The following SNTG2 variants were observed in gnomAD, a reference collection of about 807,000 sequenced individuals.
SNTG2 encodes gamma-2-syntrophin.
A neutral mutation model predicts 70.9 loss-of-function variants in SNTG2; 74 were observed. That is an observed-to-expected ratio of 1.04 (90% confidence interval 0.86 to 1.27). The LOEUF is 1.27. Among genes scored for constraint, SNTG2 ranks in the 50% most tolerant of loss-of-function variants. The pLI, the probability that SNTG2 is intolerant of heterozygous loss-of-function variation, is 0.00. For missense variants in SNTG2, 717 were observed against 690.7 expected (o/e 1.04, Z -0.43); for synonymous variants, 278 against 273.8 (o/e 1.02, Z -0.15).
chr2:1,210,855 T>A (rs1250425734), intron 9 of SNTG2, among the ~76,000 whole-genome samples: 1 of 152,176 alleles, frequency 6.6e-6, no homozygotes, highest in Non-Finnish European at 1.5e-5. Context: ...GCTGTACTGG[T>A]TTGTAGCCTA....
intron 16 of SNTG2, among the ~76,000 whole-genome samples, chr2:1,348,289 A>G (rs1660401636): frequency 6.6e-6 from 1 of 152,250 alleles, no homozygotes; most frequent in Non-Finnish European, 1.5e-5. Context: ...GGGATTTCTT[A>G]AAATTTAACC....
At chr2:1,266,418 T>A (rs1226288949) in intron 13 of SNTG2, among the ~76,000 whole-genome samples, 1 of 152,084 alleles carries the variant, frequency 6.6e-6, no homozygotes, top group African/African-American at 2.4e-5. Context: ...AATCGCCGAG[T>A]GATTAATAGA....
chr2:1,288,238 G>A (rs1679846291), intron 14 of SNTG2, among the ~76,000 whole-genome samples: 1 of 152,164 alleles, frequency 6.6e-6, no homozygotes. Context: ...GAACAAAACA[G>A]ACAATTCTCT....
chr2:1,135,827 C>T (rs1343872605), intron 4 of SNTG2, among the ~76,000 whole-genome samples: 4 of 152,310 alleles, frequency 2.6e-5, no homozygotes, highest in East Asian at 1.9e-4. Context: ...AAAATCAATG[C>T]GTCTAAATGC....
intron 1 of SNTG2, among the ~76,000 whole-genome samples, chr2:984,702 C>G (rs984045119): frequency 6.6e-6 from 1 of 152,186 alleles, no homozygotes; most frequent in African/African-American, 2.4e-5. Flanking sequence ...AGGGCACTGC[C>G]TTAGCTCCGT....
chr2:1,020,491 T>A (rs895206795), intron 1 of SNTG2, among the ~76,000 whole-genome samples: 1 of 152,232 alleles, frequency 6.6e-6, no homozygotes, highest in African/African-American at 2.4e-5. Flanking sequence ...CCACTCAGCA[T>A]CTGCACTGTC....
intron 9 of SNTG2, among the ~76,000 whole-genome samples, chr2:1,235,830 A>T (rs1676614973): frequency 6.6e-6 from 1 of 152,214 alleles, no homozygotes; most frequent in Admixed American, 6.5e-5. Flanking sequence ...AAATTGGAGG[A>T]TGGGACACAG....
chr2:1,149,659 G>T (rs1669334636), intron 6 of SNTG2, among the ~76,000 whole-genome samples: 1 of 148,790 alleles, frequency 6.7e-6, no homozygotes, highest in South Asian at 2.2e-4. Context: ...ACAGATTGAT[G>T]AAGTTGATTA....
intron 16 of SNTG2, among the ~76,000 whole-genome samples, chr2:1,331,051 A>G (rs1659502569): frequency 6.6e-6 from 1 of 152,114 alleles, no homozygotes; most frequent in Non-Finnish European, 1.5e-5. Context: ...CAGATTGACC[A>G]TTTCTTTCTT....
intron 9 of SNTG2, among the ~76,000 whole-genome samples, chr2:1,226,007 GAAAA>G (rs879492996): frequency 2.9e-5 from 4 of 137,334 alleles, no homozygotes; most frequent in South Asian, 2.3e-4. Flanking sequence ...CTGGAAAAAA[GAAAA>G]AAAAAAACCT....
chr2:961,952 A>G (rs561426091), intron 1 of SNTG2, among the ~76,000 whole-genome samples: 93 of 152,380 alleles, frequency 6.1e-4, no homozygotes, highest in African/African-American at 2.0e-3. Flanking sequence ...GAACAGCAGT[A>G]CTTCTTCCCA....
intron 14 of SNTG2, among the ~76,000 whole-genome samples, chr2:1,288,836 C>T (rs1335866071): frequency 1.3e-5 from 2 of 152,128 alleles, no homozygotes; most frequent in Non-Finnish European, 2.9e-5. Flanking sequence ...TTTGTGTACA[C>T]ACTTACACCT....
At chr2:1,018,915 A>C (rs1490898401) in intron 1 of SNTG2, among the ~76,000 whole-genome samples, 1 of 152,136 alleles carries the variant, frequency 6.6e-6, no homozygotes, top group Non-Finnish European at 1.5e-5. Flanking sequence ...GGATGCTGGT[A>C]GTTTCCAGGG....
intron 1 of SNTG2, among the ~76,000 whole-genome samples, chr2:954,624 G>C (rs1056892443): frequency 6.6e-6 from 1 of 152,160 alleles, no homozygotes; most frequent in African/African-American, 2.4e-5. Context: ...TCAGGAAGCC[G>C]AGGTTATCCT....
chr2:1,358,687 G>T (rs1213113688), intron 16 of SNTG2, among the ~76,000 whole-genome samples: 5 of 151,964 alleles, frequency 3.3e-5, no homozygotes, highest in Non-Finnish European at 5.9e-5. Flanking sequence ...TTGATTTCTA[G>T]CTTCATGCTT....
chr2:1,313,301 C>T (rs1321624925), intron 15 of SNTG2, among the ~76,000 whole-genome samples: 1 of 152,162 alleles, frequency 6.6e-6, no homozygotes, highest in African/African-American at 2.4e-5. Flanking sequence ...TTCTGTCTTC[C>T]AAGAGGGAGA....
intron 4 of SNTG2, among the ~76,000 whole-genome samples, chr2:1,105,000 A>G (rs1666022661): frequency 6.6e-6 from 1 of 152,230 alleles, no homozygotes; most frequent in Non-Finnish European, 1.5e-5. Flanking sequence ...GAAAGCCTTC[A>G]TGGTATTCCT....
At chr2:1,049,430 T>C (rs926627821) in intron 1 of SNTG2, among the ~76,000 whole-genome samples, 1 of 152,082 alleles carries the variant, frequency 6.6e-6, no homozygotes, top group Non-Finnish European at 1.5e-5. Context: ...CTTTACAGAC[T>C]GGCTCTTTCC....
intron 8 of SNTG2, among the ~76,000 whole-genome samples, chr2:1,177,325 G>C (rs1283470559): frequency 6.6e-6 from 1 of 152,044 alleles, no homozygotes; most frequent in African/African-American, 2.4e-5. Context: ...CCGGCAAGGG[G>C]TGGGGGCCAT....
Sources: gnomAD v4.1 joint callset for allele counts (sites outside exome capture counted in the v4.1 genomes callset) on GRCh38, gnomAD v4.1.1 for gene constraint, MANE v1.5 for transcripts, NCBI Gene and HGNC (gene_info 2026-07-23, HGNC 2026-07-21) for gene names.